The following CCT3 variants were observed in gnomAD, a reference collection of about 807,000 sequenced individuals.
CCT3 encodes T-complex protein 1 subunit gamma.
A neutral mutation model predicts 65.3 loss-of-function variants in CCT3; 10 were observed. That is an observed-to-expected ratio of 0.15 (90% CI 0.09 to 0.26). The LOEUF (loss-of-function observed/expected upper bound fraction) is 0.26. Ranked by LOEUF, CCT3 falls within the 10% of genes least tolerant of loss-of-function variation. The probability of loss-of-function intolerance (pLI) is 1.00; values close to 1 mark genes in which losing one functional copy is unlikely to be tolerated. For synonymous variants in CCT3, 225 were observed against 242.3 expected (o/e 0.93, Z 0.66); for missense variants, 626 against 708.7 (o/e 0.88, Z 1.33).
intron 6 of CCT3, 78 bp downstream of exon 6, chr1:156,324,894 T>G (rs1485465984): frequency 2.1e-6 from 2 of 954,894 alleles, no homozygotes; most frequent in Non-Finnish European, 3.4e-6. Context: ...CCCAAAGTGC[T>G]GGGATGACAG....
chr1:156,333,170 A>T (rs1198281345), intron 5 of CCT3: 1 of 257,628 alleles, frequency 3.9e-6, no homozygotes, highest in Non-Finnish European at 7.6e-6. Context: ...GCACGTGACT[A>T]TAGTCCCAGC....
chr1:156,334,775 T>C lies in CCT3; in HGVS notation c.145A>G (p.Met49Val). 1 of 1,613,994 alleles carries C rather than the reference T, an allele frequency of 6.2e-7. No homozygotes were observed. Among genetic ancestry groups the C allele is most frequent in the Non-Finnish European group, 8.5e-7 (1 of 1,179,960 alleles). Reference sequence around the variant, plus strand: ...ATGCCTCCCATTGGGTCCAAAAGCATCTAAGATGAAAGCAAAAGTTATATT... The same window carrying C: ...ATGCCTCCCATTGGGTCCAAAAGCACCTAAGATGAAAGCAAAAGTTATATT... ...TCLGPKSMMK[M>V]LLDPMGGIVM... is the part of the protein sequence containing the mutation. The change falls in exon 4 of 14, where the codon ATG (methionine) becomes GTG (valine). Residue 49 changes from methionine (M) to valine (V), a missense_variant and splice_region_variant. Met to Val is a conservative substitution (Grantham distance 21). Transcript: ENST00000295688.
In CCT3 at chr1:156,311,331, C is replaced by T. The variant is rs1664076135; in HGVS notation, c.1156-136G>A. ...CTAGAAAAGGTCCTTGGAACCCCTACTGGGCAGGGCAGATTATTTACCTGA... is the reference window on the plus strand; with the variant it reads ...CTAGAAAAGGTCCTTGGAACCCCTATTGGGCAGGGCAGATTATTTACCTGA... On this transcript the variant is annotated intron_variant, in intron 11 of 13. Coordinates refer to ENST00000295688, the MANE Select transcript of CCT3 (RefSeq NM_005998.5). 4.7e-5 allele frequency: 35 copies of T among 740,104 alleles called. No individual in the cohort carries two copies. The South Asian group carries it at 6.1e-4, about 13-fold the overall frequency. The allele number at this position is 740,104 out of a possible 1,614,324, so 45.8% of individuals were successfully genotyped here.
chr1:156,321,268 A>G (rs1263035755), intron 6 of CCT3, among the ~76,000 whole-genome samples: 1 of 152,202 alleles, frequency 6.6e-6, no homozygotes, highest in East Asian at 1.9e-4. Flanking sequence ...ACACTTACAT[A>G]CAAAGATTAT....
At chr1:156,314,759 C>T (rs1006167129) in intron 10 of CCT3, among the ~76,000 whole-genome samples, 2 of 151,976 alleles carry the variant, frequency 1.3e-5, no homozygotes, top group Admixed American at 6.6e-5. Context: ...CAGAAGATGA[C>T]TTGATGGAGA....
chr1:156,337,921 G>A (rs1255785424), intron 1 of CCT3: 2 of 565,392 alleles, frequency 3.5e-6, no homozygotes. Flanking sequence ...TTCCCAAGAC[G>A]AGCACACGTC....
intron 5 of CCT3, among the ~76,000 whole-genome samples, chr1:156,330,741 G>A (rs1309728967): frequency 6.6e-6 from 1 of 151,848 alleles, no homozygotes; most frequent in South Asian, 2.1e-4. Flanking sequence ...GGCCAACATG[G>A]TGAAACCCCA....
chr1:156,326,310 T>C (rs547709002), intron 5 of CCT3, among the ~76,000 whole-genome samples: 5 of 151,598 alleles, frequency 3.3e-5, no homozygotes, highest in South Asian at 2.1e-4. Context: ...GCCTGGGCAA[T>C]AGAGCAAGAT....
At position 156,318,390 on chromosome 1, in the gene CCT3, A is replaced by AC. The variant is rs1664400353; in HGVS notation, c.759+477_759+478insG. Among the ~76,000 whole-genome samples the AC allele has an allele frequency of 2.6e-5, 4 of 151,678 alleles. No homozygotes were observed. In the South Asian group the frequency reaches 8.3e-4, roughly 32 times the overall value. On this transcript the variant is annotated intron_variant, in intron 8 of 13. Coordinates refer to ENST00000295688, the MANE Select transcript of CCT3 (RefSeq NM_005998.5). ...AGGCACATGCCACCACGCCCAATTAATTTTTTTTAAATAAAGACAGTATTC... is the reference window on the plus strand; with the variant it reads ...AGGCACATGCCACCACGCCCAATTAACTTTTTTTTAAATAAAGACAGTATTC...
chr1:156,332,433 T>C (rs1467671397), intron 5 of CCT3, among the ~76,000 whole-genome samples: 1 of 152,218 alleles, frequency 6.6e-6, no homozygotes, highest in East Asian at 1.9e-4. Context: ...CTATAGGAAG[T>C]AGAAAGATTA....
intron 1 of CCT3, among the ~76,000 whole-genome samples, chr1:156,336,642 T>A (rs1030517054): frequency 6.6e-6 from 1 of 152,346 alleles, no homozygotes; most frequent in South Asian, 2.1e-4. Flanking sequence ...AATGCAGACC[T>A]GAAAGGAGCT....
rs529509739 is a variant in CCT3 at position 156,311,712 on chromosome 1, TAGG to T, written c.1155+326_1155+328del. Among the ~76,000 whole-genome samples, 75 of 151,852 alleles carry T rather than the reference TAGG, an allele frequency of 4.9e-4. 1 individual carries two copies. Among genetic ancestry groups the T allele is most frequent in the African/African-American group, 1.7e-3 (71 of 41,394 alleles). ...TAAGAAAACAGTTGTTGCTAGGGAGTAGGAGATGAGATATCTTGTTTGATGGGT... is the reference window on the plus strand; with the variant it reads ...TAAGAAAACAGTTGTTGCTAGGGAGTAGATGAGATATCTTGTTTGATGGGT... On this transcript the variant is annotated intron_variant, in intron 11 of 13. Transcript: ENST00000295688.
At chr1:156,333,341 TTAAC>T (rs970366599) in intron 5 of CCT3, 2 of 511,950 alleles carry the variant, frequency 3.9e-6, no homozygotes, top group Non-Finnish European at 6.9e-6. Context: ...ATAAAGAGAA[TTAAC>T]TATTAGTTTA....
intron 6 of CCT3, among the ~76,000 whole-genome samples, chr1:156,322,859 C>CA (rs1313534835): frequency 1.3e-5 from 2 of 151,628 alleles, no homozygotes; most frequent in Non-Finnish European, 1.5e-5. Context: ...AACTCCGTCT[C>CA]AAAAAAAAGG....
Position 156,338,267 on chromosome 1 carries a change from G to A in CCT3, c.-83C>T, listed in dbSNP as rs1665550060. The A allele has an allele frequency of 3.5e-6, 5 of 1,431,946 alleles. No individual in the cohort carries two copies. In the East Asian group the frequency reaches 7.3e-5, roughly 21 times the overall value. 88.7% of individuals were successfully genotyped at this position (1,431,946 alleles called of 1,614,324 possible). On this transcript the variant is annotated 5_prime_UTR_variant, in exon 1 of 14. Transcript: ENST00000295688. ...AGAGAGAGAACCAGACAGAAGCCCA[G>A]AAAACGCTGCCTCCTCAGGGCTTAC...
chr1:156,315,414 G>C (rs562957203), intron 10 of CCT3, among the ~76,000 whole-genome samples: 2 of 152,196 alleles, frequency 1.3e-5, no homozygotes, highest in South Asian at 4.2e-4. Flanking sequence ...TCACCATGTT[G>C]GCCAGGCTGG....
Position 156,318,918 on chromosome 1 carries a change from G to A in CCT3, c.709C>T (p.Arg237Cys), listed in dbSNP as rs772429212. ...PRMRRYIKNP[R>C]IVLLDSSLEY... ...AGAGAAGAATCCAGCAGCACAATGC[G>A]AGGGTTCTTGATATAGCGCCGCATA... is the stretch of plus-strand genomic sequence containing the variant. Residue 237 changes from arginine to cysteine, a missense_variant, in exon 8 of 14, where the codon CGC (arginine) becomes TGC (cysteine). By Grantham distance (180) the Arg-to-Cys change is radical. Coordinates refer to ENST00000295688, the MANE Select transcript of CCT3 (RefSeq NM_005998.5). 4.3e-6 allele frequency: 7 copies of A among 1,613,962 alleles called. No homozygotes were observed. Among genetic ancestry groups the A allele is most frequent in the African/African-American group, 2.7e-5 (2 of 74,902 alleles).
chr1:156,315,650 G>A (rs1342679538), intron 10 of CCT3, among the ~76,000 whole-genome samples: 1 of 152,102 alleles, frequency 6.6e-6, no homozygotes, highest in Non-Finnish European at 1.5e-5. Flanking sequence ...ATTAGGAGTG[G>A]GGGAGTCAAA....
chr1:156,337,540 G>A lies in CCT3; in HGVS notation c.31+614C>T, dbSNP rs972678211. 43 of 168,056 alleles carry A rather than the reference G, an allele frequency of 2.6e-4. No individual in the cohort carries two copies. The South Asian group carries it at 4.8e-3, about 19-fold the overall frequency. The allele number at this position is 168,056 out of a possible 1,614,324, so 10.4% of individuals were successfully genotyped here. On this transcript the variant is annotated intron_variant, in intron 1 of 13. Transcript: ENST00000295688. ...ACACGGAGGGAACGATTACATCTAA[G>A]ATCAGTGAGGCAAGTACGGTTACTT...
Sources: allele counts gnomAD v4.1 joint callset (sites outside exome capture counted in the v4.1 genomes callset), GRCh38; gene constraint gnomAD v4.1.1; transcripts MANE v1.5; gene names NCBI Gene and HGNC (gene_info 2026-07-23, HGNC 2026-07-21).